RUNX1: variants seen among roughly 807,000 people sequenced by gnomAD.
RUNX1 encodes the protein RUNX family transcription factor 1, also known as runt-related transcription factor 1.
Under a neutral mutation model 42.8 loss-of-function variants are expected in RUNX1, and 19 were observed. The observed-to-expected ratio is 0.44, with a 90% CI of 0.31 to 0.65. RUNX1 has a LOEUF of 0.65. Among genes scored for constraint, RUNX1 ranks in the 30% least tolerant of loss-of-function variants. The pLI, the probability that RUNX1 is intolerant of heterozygous loss-of-function variation, is 0.07. For missense variants in RUNX1, 528 were observed against 672.0 expected, an observed-to-expected ratio of 0.79 and a Z score of 2.37; for synonymous variants, 271 against 289.4, an observed-to-expected ratio of 0.94 and a Z score of 0.64.
chr21:34,811,060 C>T (rs2056751719), intron 7 of RUNX1, among the ~76,000 whole-genome samples: 1 of 152,240 alleles, frequency 6.6e-6, no homozygotes, highest in African/African-American at 2.4e-5. Flanking sequence ...GGCCTCACAG[C>T]AGTGTTGCAC....
rs118074294 is a variant in RUNX1, at chr21:34,969,309, G to A, written c.59-76346C>T. The stretch of plus-strand genomic sequence containing the variant: ...GCAGGGAGCAGGTGGAGGTGACTGG[G>A]GACCCTCTGACAGGTTGTCTAGCCA... On this transcript the variant is annotated intron_variant, in intron 2 of 8. Coordinates refer to ENST00000675419, the MANE Select transcript of RUNX1 (RefSeq NM_001754.5). Among the ~76,000 whole-genome samples the A allele has an allele frequency of 2.4e-3, 371 of 152,174 alleles. 1 individual carries two copies. Among genetic ancestry groups the A allele is most frequent in the Middle Eastern group, 6.8e-3 (2 of 294 alleles).
At position 34,843,044 on chromosome 21, in the gene RUNX1, T is replaced by C. The variant is rs1175130141; in HGVS notation, c.614-8443A>G. The stretch of plus-strand genomic sequence containing the variant: ...AAGATCATGCCAGTGCACTCCAGCC[T>C]GAGCGACAGAGCGAGACTCTGTCTC... On this transcript the variant is annotated intron_variant, in intron 6 of 8. Coordinates refer to ENST00000675419, the MANE Select transcript of RUNX1 (RefSeq NM_001754.5). This position sits in a 1 kb window ranked among gnomAD's most constrained non-coding sequence, Gnocchi z 4.8. Among the ~76,000 whole-genome samples the C allele has an allele frequency of 6.6e-6, 1 of 152,132 alleles. No homozygotes were observed. Among genetic ancestry groups the C allele is most frequent in the Non-Finnish European group, 1.5e-5 (1 of 68,022 alleles).
At chr21:34,977,138 G>A (rs1187248491) in intron 2 of RUNX1, among the ~76,000 whole-genome samples, 2 of 152,120 alleles carry the variant, frequency 1.3e-5, no homozygotes, top group Non-Finnish European at 2.9e-5. Context: ...ACTGACTATG[G>A]CTATTGTGTG....
At chr21:34,877,000 G>A in intron 5 of RUNX1, among the ~76,000 whole-genome samples, 1 of 152,052 alleles carries the variant, frequency 6.6e-6, no homozygotes, top group East Asian at 1.9e-4. Context: ...GGGATTACAG[G>A]CGCCCGCCAC....
intron 2 of RUNX1, among the ~76,000 whole-genome samples, chr21:34,969,629 G>A (rs1288525106): frequency 6.6e-6 from 1 of 152,040 alleles, no homozygotes. Flanking sequence ...TGACTCTCCT[G>A]CATGCCAGGA....
chr21:34,852,197 A>AACAAC (rs955755912), intron 6 of RUNX1, among the ~76,000 whole-genome samples: 3 of 147,558 alleles, frequency 2.0e-5, no homozygotes, highest in Non-Finnish European at 3.0e-5. Flanking sequence ...AACAAAACAA[A>AACAAC]ACAACAACCA....
chr21:34,945,742 A>T (rs182851074), intron 2 of RUNX1, among the ~76,000 whole-genome samples: 11 of 152,222 alleles, frequency 7.2e-5, no homozygotes, highest in Admixed American at 2.0e-4. Flanking sequence ...AAGATTCTTT[A>T]AGGCTTTCTT....
At chr21:34,823,658 G>C (rs2056944405) in intron 7 of RUNX1, among the ~76,000 whole-genome samples, 1 of 152,020 alleles carries the variant, frequency 6.6e-6, no homozygotes, top group African/African-American at 2.4e-5. Context: ...TGGCAGGCTG[G>C]TCTCGAACTC....
At chr21:35,042,546 T>C (rs142873420) in intron 2 of RUNX1, among the ~76,000 whole-genome samples, 162 of 152,348 alleles carry the variant, frequency 1.1e-3, no homozygotes, top group African/African-American at 3.7e-3. Context: ...TGTGACCTAG[T>C]TGTGGCCTAA....
In RUNX1 at chr21:34,934,731, T is replaced by C. The variant is rs538996278; in HGVS notation, c.59-41768A>G. ...CTAGCAGTAACAGAGGAGGGCATAA[T>C]GGATTCATGAGGTCAAAGCTGGGAT... On this transcript the variant is annotated intron_variant, in intron 2 of 8. Transcript: ENST00000675419. Among the ~76,000 whole-genome samples, 33 of 152,216 alleles carry C rather than the reference T, an allele frequency of 2.2e-4. 1 individual carries two copies. The South Asian group carries it at 6.6e-3, about 31-fold the overall frequency.
At chr21:34,979,689 G>T (rs1761834154) in intron 2 of RUNX1, among the ~76,000 whole-genome samples, 1 of 152,150 alleles carries the variant, frequency 6.6e-6, no homozygotes, top group Non-Finnish European at 1.5e-5. Context: ...TATATTATCT[G>T]GCAAGTCTAT....
chr21:35,002,353 C>A (rs2146879804), intron 2 of RUNX1, among the ~76,000 whole-genome samples: 1 of 150,536 alleles, frequency 6.6e-6, no homozygotes, highest in African/African-American at 2.4e-5. Context: ...TTTTCCATTG[C>A]CCTTAGTATC....
At chr21:35,033,996 A>C (rs1434300978) in intron 2 of RUNX1, among the ~76,000 whole-genome samples, 1 of 152,240 alleles carries the variant, frequency 6.6e-6, no homozygotes, top group Non-Finnish European at 1.5e-5. Context: ...ACACGAAGAT[A>C]ACTTATTTTA....
chr21:34,944,861 C>A (rs1352053433), intron 2 of RUNX1, among the ~76,000 whole-genome samples: 1 of 152,122 alleles, frequency 6.6e-6, no homozygotes, highest in Non-Finnish European at 1.5e-5. Flanking sequence ...AATGTTAATA[C>A]CTCCACTCTG....
chr21:34,991,691 G>A (rs544755773), intron 2 of RUNX1, among the ~76,000 whole-genome samples: 2 of 152,292 alleles, frequency 1.3e-5, no homozygotes, highest in Non-Finnish European at 2.9e-5. Flanking sequence ...CGGCTCCCAC[G>A]TCTGTATGGT....
In RUNX1 at chr21:34,834,617, GGGAGGGGAGGGGATGGGGGGAGGGAA is replaced by G; in HGVS notation, c.614-42_614-17del. The G allele has an allele frequency of 6.3e-7, 1 of 1,579,590 alleles. No individual in the cohort carries two copies. Among genetic ancestry groups the G allele is most frequent in the Non-Finnish European group, 8.7e-7 (1 of 1,151,750 alleles). Reference sequence around the variant, plus strand: ...TGCCGATGTCCTATTGTGGGGAGCAGGGAGGGGAGGGGATGGGGGGAGGGAAGGAGGGAGGGAAGAGATCAGAAAAA... The same window carrying G: ...TGCCGATGTCCTATTGTGGGGAGCAGGGAGGGAGGGAAGAGATCAGAAAAA... On this transcript the variant is annotated splice_polypyrimidine_tract_variant and intron_variant, in intron 6 of 8. Coordinates refer to ENST00000675419, the MANE Select transcript of RUNX1 (RefSeq NM_001754.5).
At chr21:34,902,500 C>T (rs2058185094) in intron 2 of RUNX1, among the ~76,000 whole-genome samples, 1 of 152,124 alleles carries the variant, frequency 6.6e-6, no homozygotes, top group Non-Finnish European at 1.5e-5. Context: ...GACATAAATA[C>T]ATATATATTC....
intron 2 of RUNX1, among the ~76,000 whole-genome samples, chr21:35,019,366 C>G (rs1012987487): frequency 9.2e-5 from 14 of 152,120 alleles, no homozygotes; most frequent in African/African-American, 3.1e-4. Flanking sequence ...CCTGCTTAGT[C>G]CTGTGCAGTT....
At chr21:34,954,744 G>A (rs2058632685) in intron 2 of RUNX1, among the ~76,000 whole-genome samples, 2 of 152,140 alleles carry the variant, frequency 1.3e-5, no homozygotes, top group Admixed American at 1.3e-4. Context: ...GCTACAAGGT[G>A]GGAGCAGCCT....
Sources: gnomAD v4.1 joint callset for allele counts (sites outside exome capture counted in the v4.1 genomes callset) on GRCh38, gnomAD v4.1.1 for gene constraint, Gnocchi (gnomAD v3.1) non-coding constraint, MANE v1.5 for transcripts, NCBI Gene and HGNC (gene_info 2026-07-23, HGNC 2026-07-21) for gene names.